Variants in CSMD1 observed in about 807,000 individuals in gnomAD.
CSMD1 encodes the protein CUB and sushi domain-containing protein 1.
A neutral mutation model predicts 417.5 loss-of-function variants in CSMD1; 213 were observed. The ratio of observed to expected loss-of-function variants is 0.51; its 90% confidence interval spans 0.46 to 0.57. CSMD1 has a LOEUF of 0.57. CSMD1 is among the 20% of genes least tolerant of loss of function. The pLI is 0.00. For synonymous variants in CSMD1, 2,862 were observed against 1,736.8 expected, an observed-to-expected ratio of 1.65 and a Z score of -16.11; for missense variants, 6,923 against 4,529.7, an observed-to-expected ratio of 1.53 and a Z score of -15.17.
intron 2 of CSMD1, among the ~76,000 whole-genome samples, chr8:4,595,387 C>CTTTTTTTTTTTTTTCTTTTTTTTTTTT: frequency 5.4e-5 from 8 of 147,436 alleles, no homozygotes; most frequent in South Asian, 2.2e-4. Flanking sequence ...CATTCATTTT[C>CTTTTTTTTTTTTTTCTTTTTTTTTTTT]ATTCCATCCA....
At chr8:4,513,524 G>T (rs960700480) in intron 2 of CSMD1, among the ~76,000 whole-genome samples, 1 of 152,152 alleles carries the variant, frequency 6.6e-6, no homozygotes, top group Admixed American at 6.6e-5. Flanking sequence ...AGTTAGAGAA[G>T]AACTCTCGTT....
intron 26 of CSMD1, among the ~76,000 whole-genome samples, chr8:3,277,190 C>A (rs17391830): frequency 0.28 from 42,992 of 151,832 alleles, 6,191 homozygotes; most frequent in Non-Finnish European, 0.32. Context: ...TTGAAAATTG[C>A]TTAGGGGAAG....
chr8:4,950,566 T>C (rs184198285), intron 1 of CSMD1, among the ~76,000 whole-genome samples: 111 of 152,316 alleles, frequency 7.3e-4, no homozygotes, highest in Non-Finnish European at 7.5e-4. Context: ...TAACTTTTTA[T>C]AAATTTAGTT....
chr8:4,264,505 AC>A (rs562437763), intron 3 of CSMD1, among the ~76,000 whole-genome samples: 3 of 151,938 alleles, frequency 2.0e-5, no homozygotes, highest in South Asian at 2.1e-4. Context: ...GCTAATGTGT[AC>A]CCCCCCTGAA....
chr8:3,603,909 A>G (rs1425997926), intron 8 of CSMD1, among the ~76,000 whole-genome samples: 1 of 152,220 alleles, frequency 6.6e-6, no homozygotes, highest in Non-Finnish European at 1.5e-5. Context: ...TTAATACAGT[A>G]TATGATGCAA....
intron 3 of CSMD1, among the ~76,000 whole-genome samples, chr8:4,162,277 T>A (rs533515299): frequency 6.6e-5 from 10 of 152,334 alleles, no homozygotes; most frequent in Non-Finnish European, 1.5e-4. Flanking sequence ...GATTTTCCAA[T>A]AATAAAGTTT....
chr8:4,209,532 C>T (rs540539636), intron 3 of CSMD1, among the ~76,000 whole-genome samples: 10 of 152,264 alleles, frequency 6.6e-5, no homozygotes, highest in East Asian at 1.9e-4. Context: ...ACAGGAGCCG[C>T]GTGAGATTCC....
rs1393377768 is a variant in CSMD1 at position 4,029,548 on chromosome 8, G to C, written c.610+2357C>G. Among the ~76,000 whole-genome samples, 4 of 152,074 alleles carry C rather than the reference G, an allele frequency of 2.6e-5. No individual in the cohort carries two copies. In the East Asian group the frequency reaches 7.7e-4, roughly 29 times the overall value. The stretch of plus-strand genomic sequence containing the variant: ...CAGCGCAGGAAAGAACTGCCTCCAT[G>C]GTTCAATTACCTCCCACTGGCTTCC... On this transcript the variant is annotated intron_variant, in intron 4 of 69. Transcript: ENST00000635120.
intron 50 of CSMD1, among the ~76,000 whole-genome samples, chr8:3,051,834 C>G (rs918933416): frequency 5.3e-5 from 8 of 152,100 alleles, no homozygotes; most frequent in African/African-American, 1.9e-4. Context: ...TGGAACTATT[C>G]TTCTGGTGGG....
At chr8:4,471,331 C>G (rs10098075) in intron 2 of CSMD1, among the ~76,000 whole-genome samples, 5,702 of 152,186 alleles carry the variant, frequency 0.037, 255 homozygotes, top group African/African-American at 0.11. Context: ...CAATAGTGAT[C>G]ACTATATCGC....
At chr8:4,655,798 C>G (rs926166655) in intron 1 of CSMD1, among the ~76,000 whole-genome samples, 2 of 152,234 alleles carry the variant, frequency 1.3e-5, no homozygotes, top group South Asian at 4.1e-4. Context: ...ATCAATTACT[C>G]AAAGACCTCC....
intron 7 of CSMD1, chr8:3,704,765 G>C (rs1480193456): frequency 6.6e-6 from 1 of 152,144 alleles, no homozygotes; most frequent in Non-Finnish European, 1.5e-5. Context: ...TTATCAAACT[G>C]CAAGTTTCCT....
At chr8:4,394,023 A>C (rs1416937869) in intron 3 of CSMD1, among the ~76,000 whole-genome samples, 4 of 152,200 alleles carry the variant, frequency 2.6e-5, no homozygotes, top group African/African-American at 7.2e-5. Flanking sequence ...GGCTGCCTTC[A>C]AAGAACACCT....
At chr8:3,881,122 A>T (rs1806175301) in intron 5 of CSMD1, among the ~76,000 whole-genome samples, 1 of 152,196 alleles carries the variant, frequency 6.6e-6, no homozygotes. Flanking sequence ...AATTAAGAAG[A>T]TCTAAAAAAT....
intron 5 of CSMD1, among the ~76,000 whole-genome samples, chr8:3,984,553 A>T (rs1814160810): frequency 6.6e-6 from 1 of 151,616 alleles, no homozygotes; most frequent in Non-Finnish European, 1.5e-5. Flanking sequence ...TAGGTATATT[A>T]AAAAATATAT....
Position 4,177,243 on chromosome 8 carries a change from G to T in CSMD1, c.416-145144C>A, listed in dbSNP as rs561594184. ...ATAACAAACTGTCTCTCACACCACA[G>T]TGCAATCAAGCTAGAACTCAGGATT... On this transcript the variant is annotated intron_variant, in intron 3 of 69. Transcript: ENST00000635120. 1.2e-3 allele frequency among the ~76,000 whole-genome samples: 188 copies of T among 152,278 alleles called. 1 individual carries two copies. Among genetic ancestry groups the T allele is most frequent in the South Asian group, 0.011 (52 of 4,824 alleles).
chr8:4,003,706 C>A (rs1216747485), intron 4 of CSMD1, among the ~76,000 whole-genome samples: 2 of 152,062 alleles, frequency 1.3e-5, no homozygotes, highest in African/African-American at 4.8e-5. Flanking sequence ...TGCATTAACA[C>A]AGTGCTTCAG....
At chr8:4,303,896 C>G (rs189207020) in intron 3 of CSMD1, among the ~76,000 whole-genome samples, 53 of 152,170 alleles carry the variant, frequency 3.5e-4, no homozygotes, top group Non-Finnish European at 5.9e-4. Context: ...ACCTTGTGAT[C>G]TGCCTGCCTC....
chr8:3,151,646 AC>A, intron 39 of CSMD1, 133 bp from the exon 40 acceptor site: 1 of 625,460 alleles, frequency 1.6e-6, no homozygotes, highest in Non-Finnish European at 2.9e-6. Context: ...ATTACAGCAC[AC>A]GATACAATGC....
Sources: allele counts gnomAD v4.1 joint callset (sites outside exome capture counted in the v4.1 genomes callset), GRCh38; gene constraint gnomAD v4.1.1; transcripts MANE v1.5; gene names NCBI Gene and HGNC (gene_info 2026-07-23, HGNC 2026-07-21).